KCNQ5: variants seen among roughly 807,000 people sequenced by gnomAD.
KCNQ5 encodes potassium voltage-gated channel subfamily KQT member 5.
In KCNQ5, 30 loss-of-function variants were observed where a neutral mutation model predicts 98.2. That is an observed-to-expected ratio of 0.31 (90% CI 0.23 to 0.41). The LOEUF is 0.41. Ranked by LOEUF, KCNQ5 falls within the 10% of genes least tolerant of loss-of-function variation. The pLI is 1.00. For synonymous variants in KCNQ5, 458 were observed against 449.4 expected (o/e 1.02, Z -0.24); for missense variants, 835 against 1,182.5 (o/e 0.71, Z 4.31).
intron 1 of KCNQ5, among the ~76,000 whole-genome samples, chr6:72,638,564 C>G (rs1441635787): frequency 6.6e-6 from 1 of 151,988 alleles, no homozygotes; most frequent in Non-Finnish European, 1.5e-5. Flanking sequence ...TGAAGGGTAG[C>G]TATCATAATT....
intron 1 of KCNQ5, among the ~76,000 whole-genome samples, chr6:72,984,858 A>G (rs1212849705): frequency 6.6e-6 from 1 of 152,044 alleles, no homozygotes; most frequent in African/African-American, 2.4e-5. Flanking sequence ...AATCCCAACA[A>G]TTTTTTTTAA....
intron 5 of KCNQ5, among the ~76,000 whole-genome samples, chr6:73,078,943 T>G (rs1327860473): frequency 1.3e-5 from 2 of 152,280 alleles, no homozygotes; most frequent in East Asian, 3.8e-4. Flanking sequence ...GAGTGCTTTA[T>G]GCAATGTATA....
chr6:72,691,284 C>A (rs1246046347), intron 1 of KCNQ5, among the ~76,000 whole-genome samples: 1 of 152,064 alleles, frequency 6.6e-6, no homozygotes, highest in Non-Finnish European at 1.5e-5. Context: ...ATTTAAAAAC[C>A]GATTTATAAA....
chr6:72,672,132 T>C (rs1256374654), intron 1 of KCNQ5, among the ~76,000 whole-genome samples: 3 of 151,254 alleles, frequency 2.0e-5, no homozygotes, highest in East Asian at 3.9e-4. Context: ...TTTTTTTTTT[T>C]TTGAGACAGA....
chr6:73,087,127 C>T (rs1774019646), intron 5 of KCNQ5, among the ~76,000 whole-genome samples: 1 of 151,880 alleles, frequency 6.6e-6, no homozygotes, highest in Admixed American at 6.6e-5. Flanking sequence ...AAAATGATAC[C>T]CCTTGCAGGT....
chr6:72,652,523 A>G (rs1765928451), intron 1 of KCNQ5, among the ~76,000 whole-genome samples: 1 of 151,678 alleles, frequency 6.6e-6, no homozygotes, highest in African/African-American at 2.4e-5. Flanking sequence ...GTAATTCCCT[A>G]GAATTGAGCA....
At chr6:72,953,331 A>C (rs548038037) in intron 1 of KCNQ5, among the ~76,000 whole-genome samples, 1 of 152,350 alleles carries the variant, frequency 6.6e-6, no homozygotes, top group South Asian at 2.1e-4. Flanking sequence ...GTGAATAACA[A>C]TTTAAATTGG....
chr6:73,129,836 T>C, intron 9 of KCNQ5: 2 of 1,612,820 alleles, frequency 1.2e-6, no homozygotes, highest in Non-Finnish European at 1.7e-6. Flanking sequence ...AATGTACACC[T>C]CACGGAAGCA....
intron 1 of KCNQ5, among the ~76,000 whole-genome samples, chr6:72,948,701 A>G (rs1318942831): frequency 2.0e-5 from 3 of 152,142 alleles, no homozygotes; most frequent in Non-Finnish European, 2.9e-5. Context: ...GTACTAATAG[A>G]TTAACATATG....
chr6:72,829,159 T>A (rs1311155470), intron 1 of KCNQ5, among the ~76,000 whole-genome samples: 1 of 152,094 alleles, frequency 6.6e-6, no homozygotes, highest in Non-Finnish European at 1.5e-5. Context: ...CTCTCATATA[T>A]ACCCTGCTCC....
intron 1 of KCNQ5, among the ~76,000 whole-genome samples, chr6:72,725,053 T>G (rs112641914): frequency 6.6e-6 from 1 of 152,142 alleles, no homozygotes; most frequent in Non-Finnish European, 1.5e-5. Flanking sequence ...CGTTAAAAAT[T>G]TATTTCTTAT....
chr6:73,088,811 C>A (rs369004176), intron 5 of KCNQ5, among the ~76,000 whole-genome samples: 1 of 152,298 alleles, frequency 6.6e-6, no homozygotes, highest in Middle Eastern at 3.4e-3. Context: ...TTAAAATTTT[C>A]AAGTCACTGT....
At chr6:72,923,995 A>C (rs187033986) in intron 1 of KCNQ5, among the ~76,000 whole-genome samples, 56 of 152,356 alleles carry the variant, frequency 3.7e-4, no homozygotes, top group African/African-American at 1.3e-3. Flanking sequence ...AAAGGTATTG[A>C]AATAATTCAA....
At chr6:72,855,143 A>C (rs927952370) in intron 1 of KCNQ5, among the ~76,000 whole-genome samples, 2 of 152,180 alleles carry the variant, frequency 1.3e-5, no homozygotes, top group African/African-American at 2.4e-5. Context: ...ATTCAAATTT[A>C]GTTCAGGCTT....
intron 1 of KCNQ5, among the ~76,000 whole-genome samples, chr6:72,726,058 A>C (rs1770246515): frequency 6.6e-6 from 1 of 151,952 alleles, no homozygotes; most frequent in Non-Finnish European, 1.5e-5. Flanking sequence ...TTTATTATGT[A>C]TAAACATCCT....
chr6:72,967,072 A>C (rs1348269838), intron 1 of KCNQ5, among the ~76,000 whole-genome samples: 3 of 152,166 alleles, frequency 2.0e-5, no homozygotes, highest in Non-Finnish European at 2.9e-5. Flanking sequence ...TTAGCATTGG[A>C]TCCCTTCAGC....
At chr6:72,851,382 C>G (rs1285104700) in intron 1 of KCNQ5, among the ~76,000 whole-genome samples, 1 of 152,176 alleles carries the variant, frequency 6.6e-6, no homozygotes, top group African/African-American at 2.4e-5. Flanking sequence ...CAGTCAGGAA[C>G]TGAGCTCATT....
intron 9 of KCNQ5, 72 bp downstream of exon 9, chr6:73,124,584 A>C: frequency 3.0e-6 from 4 of 1,326,542 alleles, no homozygotes; most frequent in South Asian, 1.2e-5. Flanking sequence ...AATGTGTCTC[A>C]TGTGAGTAAA....
intron 1 of KCNQ5, among the ~76,000 whole-genome samples, chr6:72,782,275 G>A (rs1322025592): frequency 6.6e-6 from 1 of 151,744 alleles, no homozygotes; most frequent in Non-Finnish European, 1.5e-5. Flanking sequence ...TCCCACAAGA[G>A]CTTTCAGGTA....
Sources: allele counts gnomAD v4.1 joint callset (sites outside exome capture counted in the v4.1 genomes callset), GRCh38; gene constraint gnomAD v4.1.1; transcripts MANE v1.5; gene names NCBI Gene and HGNC (gene_info 2026-07-23, HGNC 2026-07-21).